PDE10A: variants seen among roughly 807,000 people sequenced by gnomAD.
PDE10A encodes the protein phosphodiesterase 10A, also known as cAMP and cAMP-inhibited cGMP 3',5'-cyclic phosphodiesterase 10A.
PDE10A carries 39 observed loss-of-function variants against 97.7 expected under a neutral mutation model. The ratio of observed to expected loss-of-function variants is 0.40; its 90% confidence interval spans 0.31 to 0.52. PDE10A has a LOEUF of 0.52. Among genes scored for constraint, PDE10A ranks in the 20% least tolerant of loss-of-function variants. The pLI is 0.56. For missense variants in PDE10A, 731 were observed against 1,047.8 expected, an observed-to-expected ratio of 0.70 and a Z score of 4.17; for synonymous variants, 371 against 376.8, an observed-to-expected ratio of 0.98 and a Z score of 0.18.
chr6:165,601,904 G>C (rs1786972753), intron 1 of PDE10A, among the ~76,000 whole-genome samples: 1 of 152,100 alleles, frequency 6.6e-6, no homozygotes, highest in Non-Finnish European at 1.5e-5. Flanking sequence ...CTGCCCTGTT[G>C]GCCGTAATTA....
At position 165,838,647 on chromosome 6, in the gene PDE10A, T is replaced by C. The variant is rs947504202; in HGVS notation, c.-615+148882A>G. On this transcript the variant is annotated intron_variant, in intron 1 of 19. Transcript: ENST00000366882. ...TGGTAAGTATTTCTTCAGGGAATATTTTTGTTGCATTGGATGGGAGGGTTT... is the reference window on the plus strand; with the variant it reads ...TGGTAAGTATTTCTTCAGGGAATATCTTTGTTGCATTGGATGGGAGGGTTT... Among the ~76,000 whole-genome samples the C allele has an allele frequency of 3.9e-5, 6 of 152,224 alleles. No homozygotes were observed. In the East Asian group the frequency reaches 1.2e-3, roughly 29 times the overall value.
chr6:165,429,248 T>C (rs1789382698), intron 9 of PDE10A, among the ~76,000 whole-genome samples: 1 of 152,182 alleles, frequency 6.6e-6, no homozygotes, highest in South Asian at 2.1e-4. Context: ...TATTCATTGT[T>C]ATGAACAGCG....
rs139758736 is a variant in PDE10A, at chr6:165,971,871, T to A, written c.-615+15658A>T. Among the ~76,000 whole-genome samples the A allele has an allele frequency of 7.0e-3, 1,065 of 152,278 alleles. 4 individuals are homozygous for A. Among genetic ancestry groups the A allele is most frequent in the Non-Finnish European group, 0.01 (699 of 68,026 alleles). On this transcript the variant is annotated intron_variant, in intron 1 of 19. Coordinates refer to the PDE10A transcript ENST00000366882. The stretch of plus-strand genomic sequence containing the variant: ...TTTTTACCTCTGTACCTATCAAATC[T>A]AGACTACCCAGATTTCACTCTTGAA...
intron 1 of PDE10A, among the ~76,000 whole-genome samples, chr6:165,652,803 T>G (rs1278756659): frequency 6.6e-6 from 1 of 152,236 alleles, no homozygotes. Context: ...CGTCAGCCCT[T>G]CATAAGCAAC....
intron 1 of PDE10A, among the ~76,000 whole-genome samples, chr6:165,858,422 T>C (rs1780809660): frequency 6.6e-6 from 1 of 152,188 alleles, no homozygotes; most frequent in South Asian, 2.1e-4. Flanking sequence ...CCTGGCATTT[T>C]GATTATGAGA....
chr6:165,482,382 G>A lies in PDE10A; in HGVS notation c.995-39C>T, dbSNP rs756717548. 15 of 1,508,516 alleles carry A rather than the reference G, an allele frequency of 9.9e-6. No homozygotes were observed. In the Middle Eastern group the frequency reaches 6.8e-4, roughly 68 times the overall value. The allele number at this position is 1,508,516 out of a possible 1,614,324, so 93.4% of individuals were successfully genotyped here. A position where few individuals can be genotyped will look rare whatever the true frequency, so the allele number is the denominator to read the frequency against. On this transcript the variant is annotated intron_variant, in intron 2 of 21. Transcript: ENST00000539869. ...AGGAAGAGGGAAAAACACAATTAGC[G>A]ACTGAGTAGGTTTTAAAATACAAAA...
chr6:165,861,254 C>T (rs115466210), intron 1 of PDE10A, among the ~76,000 whole-genome samples: 235 of 152,300 alleles, frequency 1.5e-3, no homozygotes, highest in African/African-American at 5.4e-3. Context: ...CAATCAATAT[C>T]TATTGAGTGT....
chr6:165,507,360 T>C lies in PDE10A; in HGVS notation c.995-25017A>G, dbSNP rs145806975. ...GGGCTTTAGAAACCAAAGGACAAAC[T>C]TGCCTGACTTCCTACTCCTTAGTTC... On this transcript the variant is annotated intron_variant, in intron 2 of 21. Coordinates refer to ENST00000539869, the MANE Select transcript of PDE10A (RefSeq NM_001385079.1). Among the ~76,000 whole-genome samples the C allele has an allele frequency of 4.2e-3, 642 of 152,170 alleles. 4 individuals are homozygous for C. Among genetic ancestry groups the C allele is most frequent in the African/African-American group, 0.015 (607 of 41,534 alleles).
intron 1 of PDE10A, among the ~76,000 whole-genome samples, chr6:165,577,758 G>A (rs1415944314): frequency 2.0e-5 from 3 of 152,198 alleles, no homozygotes; most frequent in Non-Finnish European, 1.5e-5. Context: ...CATGACGGGT[G>A]GGCACAGGCA....
intron 18 of PDE10A, among the ~76,000 whole-genome samples, chr6:165,348,439 C>T (rs893083383): frequency 2.0e-5 from 3 of 152,194 alleles, no homozygotes; most frequent in Non-Finnish European, 4.4e-5. Context: ...TGGGACCATG[C>T]TTGCTAATTT....
intron 1 of PDE10A, among the ~76,000 whole-genome samples, chr6:165,968,936 G>A (rs1322491918): frequency 3.3e-5 from 5 of 152,118 alleles, no homozygotes; most frequent in African/African-American, 7.2e-5. Context: ...CTCTCTGTTG[G>A]TACCAGGTTT....
intron 1 of PDE10A, among the ~76,000 whole-genome samples, chr6:165,699,606 A>G (rs1291128546): frequency 1.3e-5 from 2 of 152,194 alleles, no homozygotes; most frequent in Non-Finnish European, 2.9e-5. Flanking sequence ...AATAATCCCA[A>G]TAAATTTAAA....
chr6:165,817,536 A>G (rs1272935021), intron 1 of PDE10A, among the ~76,000 whole-genome samples: 1 of 152,052 alleles, frequency 6.6e-6, no homozygotes, highest in Non-Finnish European at 1.5e-5. Flanking sequence ...AATGTGGTGT[A>G]CCCCTGACCC....
rs1041187784 is a variant in PDE10A, at chr6:165,340,819, C to T, written c.2896-1461G>A. Among the ~76,000 whole-genome samples, 7 of 152,164 alleles carry T rather than the reference C, an allele frequency of 4.6e-5. No individual in the cohort carries two copies. The East Asian group carries it at 1.4e-3, about 30-fold the overall frequency. ...GGAATATGCCTGCACAGACAGTGGGCAGGGGGCCAGCCATGTGGGGCTCTC... is the reference window on the plus strand; with the variant it reads ...GGAATATGCCTGCACAGACAGTGGGTAGGGGGCCAGCCATGTGGGGCTCTC... On this transcript the variant is annotated intron_variant, in intron 19 of 21. Coordinates refer to ENST00000539869, the MANE Select transcript of PDE10A (RefSeq NM_001385079.1).
At chr6:165,592,223 A>C (rs1786318167) in intron 1 of PDE10A, among the ~76,000 whole-genome samples, 2 of 151,562 alleles carry the variant, frequency 1.3e-5, no homozygotes, top group Non-Finnish European at 2.9e-5. Flanking sequence ...TTCCTTATTT[A>C]ATAAATGGTG....
chr6:165,641,365 T>A (rs1789124805), intron 1 of PDE10A, among the ~76,000 whole-genome samples: 1 of 152,160 alleles, frequency 6.6e-6, no homozygotes, highest in South Asian at 2.1e-4. Flanking sequence ...TATAAAACAA[T>A]AATAACTGAT....
intron 20 of PDE10A, among the ~76,000 whole-genome samples, chr6:165,338,274 T>A (rs187817999): frequency 6.6e-6 from 1 of 152,234 alleles, no homozygotes; most frequent in African/African-American, 2.4e-5. Flanking sequence ...CAATTTTAAA[T>A]AAAGTAGGGA....
intron 1 of PDE10A, among the ~76,000 whole-genome samples, chr6:165,701,647 A>ATGTGTG (rs59041111): frequency 0.11 from 16,217 of 149,572 alleles, 1,391 homozygotes; most frequent in East Asian, 0.23. Context: ...CTCTTCATGT[A>ATGTGTG]TGTGTGTGTG....
At chr6:165,752,869 ACCT>A (rs1793039309) in intron 1 of PDE10A, among the ~76,000 whole-genome samples, 1 of 152,250 alleles carries the variant, frequency 6.6e-6, no homozygotes, top group Non-Finnish European at 1.5e-5. Flanking sequence ...TAAGGAAGTC[ACCT>A]GCTAACAGAT....
Sources: allele counts gnomAD v4.1 joint callset (sites outside exome capture counted in the v4.1 genomes callset), GRCh38; gene constraint gnomAD v4.1.1; transcripts MANE v1.5; gene names NCBI Gene and HGNC (gene_info 2026-07-23, HGNC 2026-07-21).